The following PILRA variants were observed in gnomAD, a reference collection of about 807,000 sequenced individuals.
PILRA encodes the protein paired immunoglobulin-like type 2 receptor alpha.
A neutral mutation model predicts 33.1 loss-of-function variants in PILRA; 37 were observed. That is an observed-to-expected ratio of 1.12 (90% CI 0.86 to 1.47). The LOEUF (loss-of-function observed/expected upper bound fraction) is 1.47. Ranked by LOEUF, PILRA falls within the 40% of genes most tolerant of loss-of-function variation. PILRA has a pLI of 0.00. For synonymous variants in PILRA, 146 were observed against 149.9 expected (o/e 0.97, Z 0.19); for missense variants, 312 against 376.2 (o/e 0.83, Z 1.41).
chr7:100,400,041 G>A lies in PILRA; in HGVS notation c.*134G>A, dbSNP rs1266484942. 18 of 743,624 alleles carry A rather than the reference G, an allele frequency of 2.4e-5. No homozygotes were observed. In the East Asian group the frequency reaches 2.6e-4, roughly 11 times the overall value. 46.1% of individuals were successfully genotyped at this position (743,624 alleles called of 1,614,324 possible). ...TCAGGGCCAGCTTTGATAATGGAGC[G>A]AGATGCCATCTCTAGTTAAAAATAT... is the stretch of plus-strand genomic sequence containing the variant. On this transcript the variant is annotated 3_prime_UTR_variant, in exon 7 of 7. Transcript: ENST00000198536.
intron 2 of PILRA, among the ~76,000 whole-genome samples, chr7:100,381,996 TCCCCAC>T (rs1554453953): frequency 7.8e-6 from 1 of 128,528 alleles, no homozygotes; most frequent in Non-Finnish European, 1.7e-5. Context: ...CATGCCTCAG[TCCCCAC>T]CCCCACCCCC....
intron 2 of PILRA, among the ~76,000 whole-genome samples, chr7:100,384,377 C>T (rs559180376): frequency 3.3e-5 from 5 of 150,514 alleles, no homozygotes; most frequent in Non-Finnish European, 7.4e-5. Context: ...AACTTGGAAC[C>T]CAGCCTGGGC....
chr7:100,392,670 A>G (rs561227167), intron 3 of PILRA, among the ~76,000 whole-genome samples: 1 of 152,328 alleles, frequency 6.6e-6, no homozygotes, highest in South Asian at 2.1e-4. Context: ...GCAATGGAAG[A>G]AAAGAGGAAA....
intron 3 of PILRA, among the ~76,000 whole-genome samples, chr7:100,391,825 G>A (rs770268798): frequency 9.2e-5 from 14 of 152,212 alleles, no homozygotes; most frequent in Non-Finnish European, 1.5e-4. Flanking sequence ...CATGCTTGGA[G>A]GGGAACGATG....
chr7:100,378,127 T>C (rs749776428), intron 2 of PILRA, among the ~76,000 whole-genome samples: 3 of 151,720 alleles, frequency 2.0e-5, no homozygotes, highest in Non-Finnish European at 2.9e-5. Context: ...GGCACGAAGA[T>C]GACTTGAGCC....
intron 3 of PILRA, among the ~76,000 whole-genome samples, chr7:100,391,553 G>A (rs1439323364): frequency 6.6e-6 from 1 of 151,810 alleles, no homozygotes; most frequent in Non-Finnish European, 1.5e-5. Context: ...TGGGTGTGGT[G>A]GCGTGCGCCT....
chr7:100,397,509 A>C, intron 3 of PILRA, among the ~76,000 whole-genome samples: 1 of 149,616 alleles, frequency 6.7e-6, no homozygotes, highest in Non-Finnish European at 1.5e-5. Flanking sequence ...CTCCCTGAGG[A>C]CCTGGAGGGA....
Position 100,399,957 on chromosome 7 carries a change from G to A in PILRA, c.*50G>A, listed in dbSNP as rs182236848. The A allele has an allele frequency of 1.1e-4, 171 of 1,522,768 alleles. No homozygotes were observed. The highest frequency in any genetic ancestry group is 7.9e-4 in the African/African-American group (57 of 72,252). 94.3% of individuals were successfully genotyped at this position (1,522,768 alleles called of 1,614,324 possible). A position where few individuals can be genotyped will look rare whatever the true frequency, so the allele number is the denominator to read the frequency against. ...GAATGGTGAGGCCAGGTACAGTGGC[G>A]CACACCTGTAATCCCAGCTACTCTG... On this transcript the variant is annotated 3_prime_UTR_variant, in exon 7 of 7. Transcript: ENST00000198536.
Position 100,399,589 on chromosome 7 carries a change from A to G in PILRA, c.766A>G (p.Thr256Ala). The G allele has an allele frequency of 1.2e-6, 2 of 1,614,134 alleles. No homozygotes were observed. The highest frequency in any genetic ancestry group is 8.5e-7 in the Non-Finnish European group (1 of 1,180,018). Residue 256 changes from threonine to alanine, a missense_variant, in exon 6 of 7, where the codon ACA becomes GCA. Physicochemically the swap from Thr to Ala is moderately conservative, Grantham distance 58 (BLOSUM62 0). Transcript: ENST00000198536. ...YENIRNEGQNTDPKLNPKDDG... is the reference protein window; with the variant it reads ...YENIRNEGQNADPKLNPKDDG... The stretch of plus-strand genomic sequence containing the variant: ...TTGCTTTTTATTCTTAGGACAAAAT[A>G]CAGATCCCAAGCTAAATCCCAAGGT...
chr7:100,374,598 C>A, intron 2 of PILRA, 165 bp downstream of exon 2: 1 of 759,444 alleles, frequency 1.3e-6, no homozygotes, highest in Non-Finnish European at 2.2e-6. Flanking sequence ...CTCCCCTTTT[C>A]TCTTCCCCTT....
chr7:100,391,575 T>C (rs921275158), intron 3 of PILRA, among the ~76,000 whole-genome samples: 1 of 152,116 alleles, frequency 6.6e-6, no homozygotes, highest in Non-Finnish European at 1.5e-5. Context: ...TGGTCCCAGC[T>C]ACTCCAGAGG....
chr7:100,372,481 G>C (rs998199417), upstream of PILRA, among the ~76,000 whole-genome samples: 1 of 152,132 alleles, frequency 6.6e-6, no homozygotes, highest in African/African-American at 2.4e-5. Context: ...CCTCACCCTG[G>C]AGAGGGTGGG....
intron 2 of PILRA, among the ~76,000 whole-genome samples, chr7:100,378,742 C>T (rs1047481593): frequency 1.1e-4 from 17 of 151,674 alleles, no homozygotes; most frequent in Non-Finnish European, 1.5e-5. Flanking sequence ...TCCATATTTC[C>T]TCGTTATTAA....
At position 100,390,124 on chromosome 7, in the gene PILRA, G is replaced by A. The variant is rs199662997; in HGVS notation, c.673+18G>A. On this transcript the variant is annotated intron_variant, in intron 3 of 6. Transcript: ENST00000198536. Reference sequence around the variant, plus strand: ...AAGGAAAGGTAAGTGCCCAGGACCCGCCCTCTCCCCAAGCCTCCCATCTGG... The same window carrying A: ...AAGGAAAGGTAAGTGCCCAGGACCCACCCTCTCCCCAAGCCTCCCATCTGG... The A allele has an allele frequency of 4.9e-5, 79 of 1,604,516 alleles. No individual in the cohort carries two copies. Among genetic ancestry groups the A allele is most frequent in the East Asian group, 1.6e-4 (7 of 44,832 alleles).
chr7:100,373,737 A>C lies in PILRA; in HGVS notation c.64+17A>C, dbSNP rs1226578313. On this transcript the variant is annotated intron_variant, in intron 1 of 6. Transcript: ENST00000198536. ...TGCAGCCTAGTGAGTACCCAGGACC[A>C]CCCAGATGTGGGCTCTGCCCAAACC... 9 of 1,612,464 alleles carry C rather than the reference A, an allele frequency of 5.6e-6. No homozygotes were observed. The highest frequency in any genetic ancestry group is 1.7e-5 in the Admixed American group (1 of 59,984).
At chr7:100,395,152 G>C (rs1423743475) in intron 3 of PILRA, among the ~76,000 whole-genome samples, 1 of 152,158 alleles carries the variant, frequency 6.6e-6, no homozygotes, top group Non-Finnish European at 1.5e-5. Context: ...GTGGGCAGTG[G>C]ATTTTAACAG....
intron 2 of PILRA, 140 bp downstream of exon 2, chr7:100,374,573 A>G (rs1329255916): frequency 4.3e-6 from 4 of 938,672 alleles, no homozygotes; most frequent in Non-Finnish European, 5.0e-6. Context: ...ACACTTCCTC[A>G]GGCCTTTGCC....
At position 100,373,579 on chromosome 7, in the gene PILRA, A is replaced by G; in HGVS notation, c.-78A>G. Reference sequence around the variant, plus strand: ...GCTCTCCTCACTCACCTCAACCCCCAGGCGGCCCCTCCACAGGGCCCCTCT... The same window carrying G: ...GCTCTCCTCACTCACCTCAACCCCCGGGCGGCCCCTCCACAGGGCCCCTCT... On this transcript the variant is annotated 5_prime_UTR_variant, in exon 1 of 7. Transcript: ENST00000198536. 6.5e-7 allele frequency: 1 copy of G among 1,535,384 alleles called. No homozygotes were observed. The highest frequency in any genetic ancestry group is 9.0e-7 in the Non-Finnish European group (1 of 1,113,256).
At chr7:100,377,305 A>ATC (rs1396635531) in intron 2 of PILRA, among the ~76,000 whole-genome samples, 1 of 121,734 alleles carries the variant, frequency 8.2e-6, no homozygotes, top group Admixed American at 1.2e-4. Context: ...CAGTGGCATG[A>ATC]TCTCGGCTCG....
Sources: allele counts gnomAD v4.1 joint callset (sites outside exome capture counted in the v4.1 genomes callset), GRCh38; gene constraint gnomAD v4.1.1; transcripts MANE v1.5; gene names NCBI Gene and HGNC (gene_info 2026-07-23, HGNC 2026-07-21).